Variants in TNIK observed in about 807,000 individuals in gnomAD.
TNIK encodes the protein TRAF2 and NCK interacting kinase.
In TNIK, 49 loss-of-function variants were observed where a neutral mutation model predicts 191.3. The observed-to-expected ratio is 0.26, with a 90% CI of 0.20 to 0.32. The LOEUF is 0.32. Among genes scored for constraint, TNIK ranks in the 10% least tolerant of loss-of-function variants. The probability of loss-of-function intolerance (pLI) is 1.00; values close to 1 mark genes in which losing one functional copy is unlikely to be tolerated. For missense variants in TNIK, 1,155 were observed against 1,702.3 expected (o/e 0.68, Z 5.66); for synonymous variants, 594 against 600.9 (o/e 0.99, Z 0.17).
chr3:171,151,670 C>T (rs1211940945), intron 12 of TNIK, among the ~76,000 whole-genome samples: 2 of 152,112 alleles, frequency 1.3e-5, no homozygotes, highest in Non-Finnish European at 2.9e-5. Flanking sequence ...GGGATTTGAC[C>T]CCTGGCAGTC....
intron 2 of TNIK, among the ~76,000 whole-genome samples, chr3:171,296,571 C>T (rs538853797): frequency 1.3e-5 from 2 of 152,290 alleles, no homozygotes; most frequent in East Asian, 1.9e-4. Flanking sequence ...TCCTGATTCA[C>T]CACCTTCTCA....
At position 171,309,916 on chromosome 3, in the gene TNIK, A is replaced by G. The variant is rs73030937; in HGVS notation, c.123+59704T>C. On this transcript the variant is annotated intron_variant, in intron 2 of 32. Coordinates refer to ENST00000436636, the MANE Select transcript of TNIK (RefSeq NM_015028.4). ...GCTTCCTAGTTGTCCTCTTGGGGAG[A>G]AAAACTTTATCTCATTCACCATCTG... Among the ~76,000 whole-genome samples the G allele has an allele frequency of 1.6e-3, 243 of 152,128 alleles. 1 individual carries two copies. The highest frequency in any genetic ancestry group is 5.7e-3 in the African/African-American group (236 of 41,500).
At chr3:171,318,238 C>G (rs16856156) in intron 2 of TNIK, among the ~76,000 whole-genome samples, 16,408 of 152,204 alleles carry the variant, frequency 0.11, 1,317 homozygotes, top group East Asian at 0.38. Context: ...CTAAATCAGA[C>G]AGTTGCATAA....
chr3:171,265,739 A>G (rs1199705229), intron 2 of TNIK, among the ~76,000 whole-genome samples: 1 of 152,240 alleles, frequency 6.6e-6, no homozygotes, highest in African/African-American at 2.4e-5. Context: ...GTAATTAATC[A>G]AGGTTACTGG....
rs1283972790 is a variant in TNIK at position 171,139,996 on chromosome 3, A to C, written c.1332+403T>G. Among the ~76,000 whole-genome samples, 5 of 152,234 alleles carry C rather than the reference A, an allele frequency of 3.3e-5. No homozygotes were observed. The South Asian group carries it at 8.3e-4, about 25-fold the overall frequency. On this transcript the variant is annotated intron_variant, in intron 13 of 32. Coordinates refer to ENST00000436636, the MANE Select transcript of TNIK (RefSeq NM_015028.4). ...TCCTGCAGAGTTTCACTATGCTGTAAGAATGTGATTCTAGCAAAGAGAGAT... is the reference window on the plus strand; with the variant it reads ...TCCTGCAGAGTTTCACTATGCTGTACGAATGTGATTCTAGCAAAGAGAGAT...
At chr3:171,224,291 A>T (rs963706847) in intron 3 of TNIK, among the ~76,000 whole-genome samples, 4 of 152,140 alleles carry the variant, frequency 2.6e-5, no homozygotes, top group African/African-American at 9.7e-5. Context: ...GCGGTTTGGT[A>T]CTACAACCCC....
chr3:171,206,432 C>T (rs368991205), intron 4 of TNIK, among the ~76,000 whole-genome samples: 1 of 151,150 alleles, frequency 6.6e-6, no homozygotes, highest in African/African-American at 2.4e-5. Flanking sequence ...CAACAACAGC[C>T]ATCTCCATGA....
At chr3:171,102,949 T>G (rs1333311494) in intron 21 of TNIK, among the ~76,000 whole-genome samples, 3 of 152,186 alleles carry the variant, frequency 2.0e-5, no homozygotes, top group Admixed American at 2.0e-4. Flanking sequence ...GGCATTACTA[T>G]TTTGGTTCAC....
intron 18 of TNIK, among the ~76,000 whole-genome samples, chr3:171,119,655 T>G (rs1727340861): frequency 6.6e-6 from 1 of 151,966 alleles, no homozygotes; most frequent in Non-Finnish European, 1.5e-5. Context: ...GGGACATGTA[T>G]GAAGCTGGAA....
intron 18 of TNIK, among the ~76,000 whole-genome samples, chr3:171,116,666 G>A (rs1027417584): frequency 6.6e-6 from 1 of 152,146 alleles, no homozygotes; most frequent in African/African-American, 2.4e-5. Context: ...ATTATTTTTT[G>A]AAATTAATCA....
intron 4 of TNIK, among the ~76,000 whole-genome samples, chr3:171,202,564 T>C (rs1331105194): frequency 1.3e-5 from 2 of 152,196 alleles, no homozygotes; most frequent in Non-Finnish European, 2.9e-5. Flanking sequence ...ACATATCAAG[T>C]CTTCCTTTTG....
At chr3:171,407,021 G>A (rs200379255) in intron 1 of TNIK, among the ~76,000 whole-genome samples, 2 of 152,228 alleles carry the variant, frequency 1.3e-5, no homozygotes, top group East Asian at 3.8e-4. Context: ...AGGAGAGGCA[G>A]AGGGGACAGG....
chr3:171,169,777 A>G (rs1433743299), intron 9 of TNIK, among the ~76,000 whole-genome samples: 1 of 152,228 alleles, frequency 6.6e-6, no homozygotes, highest in Non-Finnish European at 1.5e-5. Context: ...TATTAAACAG[A>G]GTACTTTTTC....
chr3:171,436,173 G>C (rs73173669), intron 1 of TNIK, among the ~76,000 whole-genome samples: 2,077 of 152,212 alleles, frequency 0.014, 19 homozygotes, highest in South Asian at 0.027. Flanking sequence ...CTCCTATACA[G>C]CTAGCCATCT....
chr3:171,376,653 T>C (rs924136224), intron 1 of TNIK, among the ~76,000 whole-genome samples: 3 of 152,136 alleles, frequency 2.0e-5, no homozygotes, highest in African/African-American at 4.8e-5. Context: ...CCCAGAAGCA[T>C]ATCTTCATTA....
At position 171,068,984 on chromosome 3, in the gene TNIK, A is replaced by T; in HGVS notation, c.3563T>A (p.Leu1188His). Residue 1188 changes from leucine (L) to histidine (H), a missense_variant, in exon 30 of 33, where the codon CTC becomes CAC. By Grantham distance (99) the Leu-to-His change is moderately conservative (BLOSUM62 -3). This residue lies in a region of TNIK where 195 missense variants were observed against 415.4 expected (regional missense o/e 0.47). Coordinates refer to ENST00000436636, the MANE Select transcript of TNIK (RefSeq NM_015028.4). Reference sequence around the variant, plus strand: ...ATCAACTAGCAGAGGCTTGTGCTGGAGATCTGCAAAAGACTTTAAAAATCA... The same window carrying T: ...ATCAACTAGCAGAGGCTTGTGCTGGTGATCTGCAAAAGACTTTAAAAATCA... ...KFMAFKSFAD[L>H]QHKPLLVDLT... The T allele has an allele frequency of 6.2e-7, 1 of 1,612,484 alleles. No individual in the cohort carries two copies. The highest frequency in any genetic ancestry group is 8.5e-7 in the Non-Finnish European group (1 of 1,179,246).
intron 7 of TNIK, among the ~76,000 whole-genome samples, chr3:171,187,587 A>G (rs1009487189): frequency 6.6e-5 from 10 of 152,216 alleles, no homozygotes; most frequent in Admixed American, 2.6e-4. Flanking sequence ...TTCTTCAAAT[A>G]TACTGTTCAA....
Position 171,403,389 on chromosome 3 carries a change from C to T in TNIK, c.58-33704G>A, listed in dbSNP as rs372731278. 1.1e-4 allele frequency among the ~76,000 whole-genome samples: 16 copies of T among 151,896 alleles called. No homozygotes were observed. The East Asian group carries it at 2.1e-3, about 20-fold the overall frequency. ...CAGCACTTTGGGAGACGAAGGCAGG[C>T]AGATTACCTGAGATCAGAAGTTCGA... On this transcript the variant is annotated intron_variant, in intron 1 of 32. Transcript: ENST00000436636.
intron 1 of TNIK, among the ~76,000 whole-genome samples, chr3:171,397,463 GGAC>G: frequency 6.6e-6 from 1 of 152,130 alleles, no homozygotes; most frequent in South Asian, 2.1e-4. Flanking sequence ...TAGACTAGGA[GGAC>G]CTAGGAAGCA....
Sources: gnomAD v4.1 joint callset for allele counts (sites outside exome capture counted in the v4.1 genomes callset) on GRCh38, gnomAD v4.1.1 for gene constraint, gnomAD v4.1.1 regional missense constraint, MANE v1.5 for transcripts, NCBI Gene and HGNC (gene_info 2026-07-23, HGNC 2026-07-21) for gene names.